LAMB1: variants seen among roughly 807,000 people sequenced by gnomAD.
The protein encoded by LAMB1 is laminin subunit beta 1.
A neutral mutation model predicts 222.3 loss-of-function variants in LAMB1; 121 were observed. That is an observed-to-expected ratio of 0.54 (90% CI 0.47 to 0.63). The LOEUF (loss-of-function observed/expected upper bound fraction) is 0.63. LAMB1 is among the 30% of genes least tolerant of loss of function. LAMB1 has a pLI of 0.00. For missense variants in LAMB1, 2,172 were observed against 2,240.8 expected, an observed-to-expected ratio of 0.97 and a Z score of 0.62; for synonymous variants, 794 against 807.2, an observed-to-expected ratio of 0.98 and a Z score of 0.28.
intron 12 of LAMB1, among the ~76,000 whole-genome samples, chr7:107,974,418 T>G (rs577661717): frequency 3.3e-5 from 5 of 152,254 alleles, no homozygotes; most frequent in African/African-American, 1.2e-4. Context: ...TCATTTTCAG[T>G]GGCAACCAAA....
chr7:107,963,153 T>A, intron 14 of LAMB1, 90 bp from the exon 15 acceptor site: 2 of 1,258,188 alleles, frequency 1.6e-6, no homozygotes, highest in Admixed American at 2.3e-5. Flanking sequence ...CACCCAAAGA[T>A]TCAAAAAGGG....
intron 24 of LAMB1, among the ~76,000 whole-genome samples, chr7:107,943,966 C>A (rs1342526070): frequency 6.6e-6 from 1 of 152,178 alleles, no homozygotes; most frequent in Non-Finnish European, 1.5e-5. Context: ...AGAAGTGATG[C>A]CATTTGTAAT....
chr7:107,987,117 C>G (rs1347670199), intron 5 of LAMB1, among the ~76,000 whole-genome samples: 1 of 152,110 alleles, frequency 6.6e-6, no homozygotes, highest in African/African-American at 2.4e-5. Flanking sequence ...TATTACTCAG[C>G]CATAAAGAGG....
chr7:107,950,497 G>A lies in LAMB1; in HGVS notation c.3391+729C>T, dbSNP rs576453300. 2.6e-4 allele frequency among the ~76,000 whole-genome samples: 40 copies of A among 152,308 alleles called. No individual in the cohort carries two copies. The South Asian group carries it at 6.0e-3, about 23-fold the overall frequency. ...ACCATAAAAATCAAGCAATCCTGAT[G>A]ATTCACATAATTTTAACAAGTTTTT... On this transcript the variant is annotated intron_variant, in intron 24 of 33. Coordinates refer to ENST00000222399, the MANE Select transcript of LAMB1 (RefSeq NM_002291.3).
At chr7:107,993,790 C>A (rs2034230838) in intron 5 of LAMB1, among the ~76,000 whole-genome samples, 1 of 152,178 alleles carries the variant, frequency 6.6e-6, no homozygotes, top group Non-Finnish European at 1.5e-5. Context: ...GAGTAGTTGA[C>A]AATTTATTTA....
At chr7:107,935,343 CTTTG>C (rs2032816655) in intron 27 of LAMB1, 68 bp downstream of exon 27, 3 of 1,371,960 alleles carry the variant, frequency 2.2e-6, no homozygotes, top group African/African-American at 4.8e-5. Context: ...GTTTGTTTTT[CTTTG>C]TTTTTTTTTT....
chr7:107,927,292 T>C (rs1367891700), intron 31 of LAMB1, among the ~76,000 whole-genome samples: 2 of 152,238 alleles, frequency 1.3e-5, no homozygotes, highest in Non-Finnish European at 2.9e-5. Flanking sequence ...GAACACAGTT[T>C]AGTTAGAGGT....
Position 107,994,775 on chromosome 7 carries a change from C to T in LAMB1, c.423+112G>A, listed in dbSNP as rs563866827. 3.2e-5 allele frequency: 18 copies of T among 569,600 alleles called. No homozygotes were observed. The South Asian group carries it at 5.2e-4, about 17-fold the overall frequency. The allele number at this position is 569,600 out of a possible 1,614,324, so 35.3% of individuals were successfully genotyped here. On this transcript the variant is annotated intron_variant, in intron 5 of 33. Transcript: ENST00000222399. ...GCTCAATTACCCCAATTTATGGCAA[C>T]AATAATATTTAAGTTCCCATTTAGG...
intron 24 of LAMB1, among the ~76,000 whole-genome samples, chr7:107,946,045 C>A (rs1024658145): frequency 2.0e-5 from 3 of 152,180 alleles, no homozygotes; most frequent in African/African-American, 7.2e-5. Flanking sequence ...TCACTCAGTA[C>A]TGGGCTGATT....
chr7:108,003,053 G>A, intron 1 of LAMB1, 58 bp downstream of exon 1: 1 of 1,418,660 alleles, frequency 7.0e-7, no homozygotes, highest in Non-Finnish European at 9.2e-7. Context: ...CGCTCCCACG[G>A]AAGCGGGGGG....
At position 107,929,604 on chromosome 7, in the gene LAMB1, A is replaced by G. The variant is rs1349278833; in HGVS notation, c.4553T>C (p.Leu1518Ser). ...ATTAGCAACTGCTTCAATGCTGTCC[A>G]AATCAGCACTATCCTCTGTGAAAAG... is the stretch of plus-strand genomic sequence containing the variant. ...RNFLTQDSAD[L>S]DSIEAVANEV... The change falls in exon 30 of 34, where the codon TTG (leucine) becomes TCG (serine). Residue 1518 changes from leucine (L) to serine (S), a missense_variant. Transcript: ENST00000222399. 12 of 1,613,814 alleles carry G rather than the reference A, an allele frequency of 7.4e-6. No homozygotes were observed.
In LAMB1 at chr7:107,994,939, T is replaced by G; in HGVS notation, c.371A>C (p.Gln124Pro). The G allele has an allele frequency of 6.3e-7, 1 of 1,599,792 alleles. No homozygotes were observed. The highest frequency in any genetic ancestry group is 8.6e-7 in the Non-Finnish European group (1 of 1,167,760). ...SENGVENVTI[Q>P]LDLEAEFHFT... The stretch of plus-strand genomic sequence containing the variant: ...ATGGAATTCTGCTTCCAAATCCAGT[T>G]GGATAGTTACATTTTCCACACCTAC... Residue 124 changes from glutamine to proline, a missense_variant, in exon 5 of 34, where the codon CAA becomes CCA. Gln to Pro is a moderately conservative substitution (Grantham distance 76). Transcript: ENST00000222399.
chr7:107,975,810 G>A lies in LAMB1; in HGVS notation c.1068C>T (p.Asn356=), dbSNP rs34168368. ...AGTCATCACACACGCCTCCGCTGACGTTCCCCGTGGCCAGGTAAACAGCCA... is the reference window on the plus strand; with the variant it reads ...AGTCATCACACACGCCTCCGCTGACATTCCCCGTGGCCAGGTAAACAGCCA... ...FDMAVYLATG[N]VSGGVCDDCQ... The change falls in exon 10 of 34, where the codon AAC becomes AAT. Residue 356 remains asparagine (N), a synonymous_variant. Transcript: ENST00000222399. The A allele has an allele frequency of 5.5e-4, 883 of 1,613,888 alleles. 2 individuals carry two copies. The highest frequency in any genetic ancestry group is 7.1e-4 in the Non-Finnish European group (834 of 1,180,016).
rs776317763 is a variant in LAMB1 at position 107,937,155 on chromosome 7, A to C, written c.3884T>G (p.Leu1295Arg). The C allele has an allele frequency of 5.0e-6, 8 of 1,614,112 alleles. No homozygotes were observed. Among genetic ancestry groups the C allele is most frequent in the Non-Finnish European group, 6.8e-6 (8 of 1,179,972 alleles). The change falls in exon 26 of 34, where the codon CTA becomes CGA. Residue 1295 changes from leucine to arginine, a missense_variant. Coordinates refer to ENST00000222399, the MANE Select transcript of LAMB1 (RefSeq NM_002291.3). ...AGCAAGTTCTTTCACAGTGTTGTCT[A>C]GGCTTTCGGCTTCTGTCTGTAGAGA... ...LDSLQTEAES[L>R]DNTVKELAEQ...
intron 21 of LAMB1, among the ~76,000 whole-genome samples, chr7:107,954,164 T>C (rs527710824): frequency 1.3e-5 from 2 of 152,034 alleles, no homozygotes; most frequent in African/African-American, 2.4e-5. Context: ...AAGGATTACA[T>C]TTTTTTAAGA....
chr7:107,928,736 A>T (rs556876825), intron 31 of LAMB1, among the ~76,000 whole-genome samples: 1 of 152,200 alleles, frequency 6.6e-6, no homozygotes, highest in East Asian at 1.9e-4. Flanking sequence ...CAAATGACCC[A>T]CCCACCTCGG....
chr7:107,954,652 A>C (rs528775719), intron 21 of LAMB1, among the ~76,000 whole-genome samples: 29 of 152,234 alleles, frequency 1.9e-4, no homozygotes, highest in African/African-American at 6.7e-4. Context: ...GTGGTGGGGC[A>C]TGGTGGCAGG....
intron 7 of LAMB1, among the ~76,000 whole-genome samples, chr7:107,985,052 C>T (rs1001372078): frequency 7.9e-5 from 12 of 152,062 alleles, no homozygotes. Flanking sequence ...CTCTTTGATA[C>T]AAAAGCCCAA....
Position 107,959,365 on chromosome 7 carries a change from G to T in LAMB1, c.2574C>A (p.His858Gln). The change falls in exon 20 of 34, where the codon CAC becomes CAA. Residue 858 changes from histidine to glutamine, a missense_variant. Transcript: ENST00000222399. ...AGGGCTGGCAACTTGGAAAGCCCCA[G>T]TGCCCAGGTAAGCACCGATCACACT... ...ARQCDRCLPG[H>Q]WGFPSCQPCQ... 3 of 1,614,248 alleles carry T rather than the reference G, an allele frequency of 1.9e-6. No homozygotes were observed. The highest frequency in any genetic ancestry group is 2.5e-6 in the Non-Finnish European group (3 of 1,180,044).
Sources: gnomAD v4.1 joint callset for allele counts (sites outside exome capture counted in the v4.1 genomes callset) on GRCh38, gnomAD v4.1.1 for gene constraint, MANE v1.5 for transcripts, NCBI Gene and HGNC (gene_info 2026-07-23, HGNC 2026-07-21) for gene names.